The following COA1 variants were observed in gnomAD, a reference collection of about 807,000 sequenced individuals.
COA1 encodes cytochrome c oxidase assembly factor 1, also known as cytochrome c oxidase assembly factor 1 homolog.
In COA1, 13 loss-of-function variants were observed where a neutral mutation model predicts 16.0. That is an observed-to-expected ratio of 0.81 (90% CI 0.53 to 1.29). The LOEUF (loss-of-function observed/expected upper bound fraction) is 1.29. Among genes scored for constraint, COA1 ranks in the 50% most tolerant of loss-of-function variants. The pLI, the probability that COA1 is intolerant of heterozygous loss-of-function variation, is 0.00. For missense variants in COA1, 179 were observed against 177.0 expected (o/e 1.01, Z -0.06); for synonymous variants, 65 against 65.7 (o/e 0.99, Z 0.05).
At chr7:43,623,390 A>G in intron 6 of COA1, 1 of 576,702 alleles carries the variant, frequency 1.7e-6, no homozygotes, top group South Asian at 2.2e-5. Flanking sequence ...AAAGTAAACA[A>G]GTTAATTACA....
At position 43,708,136 on chromosome 7, in the gene COA1, G is replaced by A. The variant is rs369583121; in HGVS notation, c.-39+21293C>T. On this transcript the variant is annotated intron_variant, in intron 1 of 5. Coordinates refer to ENST00000223336, the MANE Select transcript of COA1 (RefSeq NM_018224.4). ...GGAGAATTGCTTGAACCCCGGAGGC[G>A]GAGGTTGCGGTGAGCCAAGATCACA... Among the ~76,000 whole-genome samples, 67 of 152,246 alleles carry A rather than the reference G, an allele frequency of 4.4e-4. No homozygotes were observed. The South Asian group carries it at 0.01, about 24-fold the overall frequency.
chr7:43,661,875 A>G (rs2092468511), intron 1 of COA1, among the ~76,000 whole-genome samples: 1 of 152,270 alleles, frequency 6.6e-6, no homozygotes, highest in Non-Finnish European at 1.5e-5. Flanking sequence ...TTGGCTAATG[A>G]GATTCATGGT....
At chr7:43,643,596 A>G (rs2087812875) in intron 4 of COA1, among the ~76,000 whole-genome samples, 1 of 152,176 alleles carries the variant, frequency 6.6e-6, no homozygotes, top group African/African-American at 2.4e-5. Flanking sequence ...ACACTGGACC[A>G]TCACCTCTGA....
chr7:43,682,230 CCA>C (rs1264013149), intron 1 of COA1, among the ~76,000 whole-genome samples: 7 of 152,148 alleles, frequency 4.6e-5, no homozygotes, highest in African/African-American at 1.7e-4. Flanking sequence ...CATAAACAGA[CCA>C]CTAAGACTTT....
intron 1 of COA1, among the ~76,000 whole-genome samples, chr7:43,700,527 C>CATATATATATATAT (rs371169314): frequency 1.4e-5 from 2 of 139,118 alleles, no homozygotes; most frequent in East Asian, 2.0e-4. Flanking sequence ...AAAATGTAGG[C>CATATATATATATAT]AGATATATAT....
intron 1 of COA1, among the ~76,000 whole-genome samples, chr7:43,683,169 C>T (rs1415122440): frequency 6.6e-6 from 1 of 152,076 alleles, no homozygotes; most frequent in African/African-American, 2.4e-5. Context: ...CCAACTGATA[C>T]TCTTGAGAAC....
chr7:43,654,246 T>A (rs1247332614), intron 1 of COA1, among the ~76,000 whole-genome samples: 1 of 152,110 alleles, frequency 6.6e-6, no homozygotes, highest in Non-Finnish European at 1.5e-5. Context: ...GAGACAGCCA[T>A]TGTCATTTCC....
At chr7:43,631,503 G>A (rs1388569185) in intron 6 of COA1, 2 of 152,306 alleles carry the variant, frequency 1.3e-5, no homozygotes, top group Non-Finnish European at 2.9e-5. Context: ...TGGGATTACA[G>A]GTGTGAGCCA....
chr7:43,652,378 T>G (rs957590300), intron 1 of COA1, among the ~76,000 whole-genome samples: 2 of 152,188 alleles, frequency 1.3e-5, no homozygotes, highest in Non-Finnish European at 2.9e-5. Context: ...CCATGCAAGA[T>G]GTTTGATATG....
intron 1 of COA1, among the ~76,000 whole-genome samples, chr7:43,655,767 T>C (rs2153131383): frequency 6.6e-6 from 1 of 152,352 alleles, no homozygotes; most frequent in South Asian, 2.1e-4. Flanking sequence ...ACTGGCTGTA[T>C]GACTCGCTTC....
At chr7:43,619,915 T>C (rs2083705165) in intron 6 of COA1, among the ~76,000 whole-genome samples, 1 of 152,226 alleles carries the variant, frequency 6.6e-6, no homozygotes, top group African/African-American at 2.4e-5. Context: ...TGGTGATCTC[T>C]TCACTATCTC....
At chr7:43,646,552 G>A (rs2089356939) in intron 3 of COA1, 1 of 456,588 alleles carries the variant, frequency 2.2e-6, no homozygotes, top group Non-Finnish European at 4.4e-6. Flanking sequence ...GTCGGCTGCA[G>A]TGCCCAGGTC....
At chr7:43,692,813 C>T (rs906693212) in intron 1 of COA1, among the ~76,000 whole-genome samples, 6 of 152,068 alleles carry the variant, frequency 3.9e-5, no homozygotes, top group Non-Finnish European at 8.8e-5. Flanking sequence ...GATGCCCCAC[C>T]CCTCCCAAAC....
chr7:43,712,849 T>C (rs1432772963), intron 1 of COA1, among the ~76,000 whole-genome samples: 29 of 152,218 alleles, frequency 1.9e-4, no homozygotes, highest in Admixed American at 1.9e-3. Context: ...TTTTAAACTT[T>C]TTTCATTTTC....
rs111388114 is a variant in COA1, at chr7:43,709,342, T to C, written c.-39+20087A>G. Reference sequence around the variant, plus strand: ...TGCCCGGCCTATCTCCTATAATCTTTACTGTTTTGCCTTTCACAGGTAGAT... The same window carrying C: ...TGCCCGGCCTATCTCCTATAATCTTCACTGTTTTGCCTTTCACAGGTAGAT... On this transcript the variant is annotated intron_variant, in intron 1 of 5. Transcript: ENST00000223336. Among the ~76,000 whole-genome samples the C allele has an allele frequency of 8.1e-3, 1,232 of 152,164 alleles. 15 individuals are homozygous for C. Among genetic ancestry groups the C allele is most frequent in the African/African-American group, 0.028 (1,161 of 41,530 alleles).
At chr7:43,611,803 T>G (rs1247996120) in intron 6 of COA1, among the ~76,000 whole-genome samples, 1 of 152,238 alleles carries the variant, frequency 6.6e-6, no homozygotes, top group African/African-American at 2.4e-5. Flanking sequence ...GATGTTTTAC[T>G]AGTCTTATGA....
chr7:43,668,176 T>C (rs537094826), intron 1 of COA1, among the ~76,000 whole-genome samples: 175 of 152,314 alleles, frequency 1.1e-3, no homozygotes, highest in African/African-American at 4.0e-3. Flanking sequence ...ACACAGTCCA[T>C]GAACAGAGAT....
chr7:43,692,159 C>T (rs2094391966), intron 1 of COA1, among the ~76,000 whole-genome samples: 1 of 152,208 alleles, frequency 6.6e-6, no homozygotes, highest in Non-Finnish European at 1.5e-5. Flanking sequence ...CTGCTAGCCT[C>T]TGTCCCACAT....
chr7:43,609,073 A>C (rs950712503), exon 7 of COA1: 3 of 152,268 alleles, frequency 2.0e-5, no homozygotes, highest in Non-Finnish European at 4.4e-5. Context: ...CAAAACAAGG[A>C]AATTTTAGTG....
Sources: gnomAD v4.1 joint callset for allele counts (sites outside exome capture counted in the v4.1 genomes callset) on GRCh38, gnomAD v4.1.1 for gene constraint, MANE v1.5 for transcripts, NCBI Gene and HGNC (gene_info 2026-07-23, HGNC 2026-07-21) for gene names.